RPS6KA2: variants seen among roughly 807,000 people sequenced by gnomAD.
RPS6KA2 encodes the protein ribosomal protein S6 kinase alpha-2.
Under a neutral mutation model 91.8 loss-of-function variants are expected in RPS6KA2, and 42 were observed. The ratio of observed to expected loss-of-function variants is 0.46; its 90% CI spans 0.36 to 0.59. The LOEUF (loss-of-function observed/expected upper bound fraction) is 0.59, where lower values mean the gene tolerates loss of function less well. Among genes scored for constraint, RPS6KA2 ranks in the 20% least tolerant of loss-of-function variants. The pLI, the probability that RPS6KA2 is intolerant of heterozygous loss-of-function variation, is 0.00. For synonymous variants in RPS6KA2, 414 were observed against 393.6 expected, an observed-to-expected ratio of 1.05 and a Z score of -0.61; for missense variants, 798 against 978.5, an observed-to-expected ratio of 0.82 and a Z score of 2.46.
intron 2 of RPS6KA2, among the ~76,000 whole-genome samples, chr6:166,748,604 C>T (rs1167240663): frequency 1.5e-5 from 1 of 65,264 alleles, no homozygotes; most frequent in African/African-American, 7.0e-5. Context: ...CCTCAGGCCC[C>T]CATTTCCCTG....
At chr6:166,613,580 T>C (rs889689033) in intron 1 of RPS6KA2, among the ~76,000 whole-genome samples, 7 of 152,204 alleles carry the variant, frequency 4.6e-5, no homozygotes, top group Non-Finnish European at 1.5e-5. Flanking sequence ...GTATAGTGTG[T>C]CCAGGCTATC....
chr6:166,661,878 A>T (rs1788173221), intron 2 of RPS6KA2, among the ~76,000 whole-genome samples: 1 of 152,160 alleles, frequency 6.6e-6, no homozygotes, highest in Non-Finnish European at 1.5e-5. Context: ...TACACTATGA[A>T]GGGAGGAGCT....
chr6:166,422,894 C>G (rs1778774252), intron 17 of RPS6KA2, among the ~76,000 whole-genome samples: 1 of 152,154 alleles, frequency 6.6e-6, no homozygotes, highest in Non-Finnish European at 1.5e-5. Flanking sequence ...CATTTCCCAT[C>G]CCAGGTGAAC....
intron 2 of RPS6KA2, among the ~76,000 whole-genome samples, chr6:166,727,450 C>T (rs370527943): frequency 6.2e-4 from 94 of 151,766 alleles, no homozygotes; most frequent in African/African-American, 2.1e-3. Context: ...GCTCCTAAAA[C>T]AACACCAGGG....
intron 2 of RPS6KA2, 146 bp from the exon 3 acceptor site, chr6:166,531,459 G>A (rs572630879): frequency 1.4e-5 from 9 of 650,828 alleles, no homozygotes; most frequent in South Asian, 7.5e-5. Flanking sequence ...TTTCTCCAAC[G>A]TCAAGGCTGC....
intron 1 of RPS6KA2, among the ~76,000 whole-genome samples, chr6:166,617,649 C>T (rs1287962010): frequency 1.3e-5 from 2 of 152,150 alleles, no homozygotes; most frequent in African/African-American, 4.8e-5. Context: ...CCCTCTACAC[C>T]CAAGTCCTAC....
At chr6:166,575,436 G>T (rs1189617279) in intron 1 of RPS6KA2, among the ~76,000 whole-genome samples, 1 of 152,146 alleles carries the variant, frequency 6.6e-6, no homozygotes, top group Non-Finnish European at 1.5e-5. Flanking sequence ...ATCCAAGGTT[G>T]CTCATTTCCG....
intron 2 of RPS6KA2, among the ~76,000 whole-genome samples, chr6:166,656,827 C>G (rs1788015764): frequency 6.6e-6 from 1 of 152,182 alleles, no homozygotes; most frequent in Non-Finnish European, 1.5e-5. Flanking sequence ...GGGCCGTTGT[C>G]CAGATTCACC....
rs1320507961 is a variant in RPS6KA2 at position 166,648,250 on chromosome 6, GCA to G, written c.124-109468_124-109467del. 8.3e-4 allele frequency among the ~76,000 whole-genome samples: 99 copies of G among 118,824 alleles called. No individual in the cohort carries two copies. The highest frequency in any genetic ancestry group is 5.7e-3 in the East Asian group (21 of 3,692). 78.0% of individuals were successfully genotyped at this position (118,824 alleles called of 152,430 possible). On this transcript the variant is annotated intron_variant, in intron 2 of 21. Coordinates refer to the RPS6KA2 transcript ENST00000503859. This position sits in a 1 kb window ranked among gnomAD's most constrained non-coding sequence, Gnocchi z 4.8. ...TGCGCACACACACACATTCACACAG[GCA>G]CACACACTCATGTTCATACACACGC...
At chr6:166,678,352 A>G (rs1788676416) in intron 2 of RPS6KA2, among the ~76,000 whole-genome samples, 1 of 152,184 alleles carries the variant, frequency 6.6e-6, no homozygotes, top group Non-Finnish European at 1.5e-5. Context: ...CGGGGAACCA[A>G]ATCATGGGAA....
chr6:166,606,547 G>T (rs1785962909), intron 1 of RPS6KA2, among the ~76,000 whole-genome samples: 1 of 152,184 alleles, frequency 6.6e-6, no homozygotes. Flanking sequence ...TCAAGAAAAT[G>T]AAAATACAAC....
chr6:166,839,689 A>AGGG (rs1306436538), intron 2 of RPS6KA2, among the ~76,000 whole-genome samples: 21 of 6,786 alleles, frequency 3.1e-3, no homozygotes, highest in East Asian at 0.016. Context: ...GCAGGAGAGG[A>AGGG]GAGGGGAGGA....
chr6:166,520,686 C>T (rs759592007), intron 3 of RPS6KA2, among the ~76,000 whole-genome samples: 1 of 152,204 alleles, frequency 6.6e-6, no homozygotes. Context: ...TAGAAAAGGC[C>T]TATCTTGCCA....
chr6:166,512,312 T>C (rs1250780543), intron 3 of RPS6KA2, among the ~76,000 whole-genome samples: 1 of 152,050 alleles, frequency 6.6e-6, no homozygotes, highest in East Asian at 1.9e-4. Flanking sequence ...GAACAGGAGC[T>C]GGAAGGGGGA....
intron 2 of RPS6KA2, among the ~76,000 whole-genome samples, chr6:166,687,348 G>C (rs1789055550): frequency 6.6e-6 from 1 of 152,312 alleles, no homozygotes; most frequent in African/African-American, 2.4e-5. Context: ...CACATGCCTT[G>C]ATAGCACAAG....
intron 1 of RPS6KA2, among the ~76,000 whole-genome samples, chr6:166,561,232 T>A (rs975305116): frequency 6.6e-6 from 1 of 152,178 alleles, no homozygotes; most frequent in African/African-American, 2.4e-5. Flanking sequence ...AGCCCTGACC[T>A]GCAAATGTGT....
At chr6:166,776,377 G>A (rs1012671588) in intron 2 of RPS6KA2, among the ~76,000 whole-genome samples, 8 of 152,156 alleles carry the variant, frequency 5.3e-5, no homozygotes, top group African/African-American at 1.7e-4. Context: ...GGCATTTTCC[G>A]TTTCTGTAAT....
At chr6:166,771,949 T>C (rs1400643954) in intron 2 of RPS6KA2, among the ~76,000 whole-genome samples, 1 of 152,222 alleles carries the variant, frequency 6.6e-6, no homozygotes, top group Non-Finnish European at 1.5e-5. Flanking sequence ...CGCCTCAGCC[T>C]ACACCTCCTC....
In RPS6KA2 at chr6:166,448,889, C is replaced by T; in HGVS notation, c.1207-40G>A. 6.2e-7 allele frequency: 1 copy of T among 1,610,324 alleles called. No individual in the cohort carries two copies. Among genetic ancestry groups the T allele is most frequent in the Non-Finnish European group, 8.5e-7 (1 of 1,177,464 alleles). On this transcript the variant is annotated intron_variant, in intron 13 of 20. Transcript: ENST00000265678. The surrounding 1 kb of genome is among the most constrained non-coding windows in gnomAD (Gnocchi z 4.7). ...AGAGAAGAAGAGTTGTCGGAACCCT[C>T]ACACGAGGGGACGGTGCAGCTACAC... is the stretch of plus-strand genomic sequence containing the variant.
Sources: gnomAD v4.1 joint callset for allele counts (sites outside exome capture counted in the v4.1 genomes callset) on GRCh38, gnomAD v4.1.1 for gene constraint, Gnocchi (gnomAD v3.1) non-coding constraint, MANE v1.5 for transcripts, NCBI Gene and HGNC (gene_info 2026-07-23, HGNC 2026-07-21) for gene names.